DOCK11: variants seen among roughly 807,000 people sequenced by gnomAD.
DOCK11 encodes the protein dedicator of cytokinesis protein 11.
Under a neutral mutation model 169.1 loss-of-function variants are expected in DOCK11, and 70 were observed. That is an observed-to-expected ratio of 0.41 (90% CI 0.34 to 0.51). The LOEUF (loss-of-function observed/expected upper bound fraction) is 0.51, where lower values mean the gene tolerates loss of function less well. DOCK11 is among the 20% of genes least tolerant of loss of function. The pLI is 0.10. For synonymous variants in DOCK11, 529 were observed against 541.3 expected (o/e 0.98, Z 0.32); for missense variants, 1,166 against 1,538.8 (o/e 0.76, Z 4.05).
At chrX:118,546,495 A>C (rs963623989) in intron 6 of DOCK11, among the ~76,000 whole-genome samples, 2 of 111,851 alleles carry the variant, frequency 1.8e-5, no homozygotes, top group Non-Finnish European at 3.8e-5. Context: ...CATATTAGTC[A>C]CTGTGGGGAA....
chrX:118,498,955 CAGAG>C (rs937894855), intron 1 of DOCK11, among the ~76,000 whole-genome samples: 3 of 111,169 alleles, frequency 2.7e-5, no homozygotes, highest in Non-Finnish European at 5.7e-5. Context: ...ATAAAGCAGA[CAGAG>C]AGACTGTTCC....
chrX:118,607,364 C>T (rs1445044773), intron 24 of DOCK11, among the ~76,000 whole-genome samples: 2 of 105,574 alleles, frequency 1.9e-5, no homozygotes, highest in African/African-American at 6.9e-5. Context: ...ATCCACCTGC[C>T]TTGGCCACCC....
chrX:118,657,088 A>C (rs747213042), intron 44 of DOCK11, among the ~76,000 whole-genome samples: 2 of 111,960 alleles, frequency 1.8e-5, no homozygotes, highest in African/African-American at 6.5e-5. Flanking sequence ...GCTAAGCAAA[A>C]ATCAAGAATT....
chrX:118,532,263 G>A (rs2011610501), intron 1 of DOCK11, among the ~76,000 whole-genome samples: 1 of 111,796 alleles, frequency 8.9e-6, no homozygotes, highest in Admixed American at 9.5e-5. Flanking sequence ...AGGAAAGTGA[G>A]ACATGGGTTT....
At chrX:118,671,632 A>C (rs772038325) in intron 46 of DOCK11, among the ~76,000 whole-genome samples, 2 of 112,252 alleles carry the variant, frequency 1.8e-5, no homozygotes, top group Non-Finnish European at 3.8e-5. Context: ...ATTAAGGGTA[A>C]AAGATCCAAA....
chrX:118,617,349 G>A (rs1309008720), intron 30 of DOCK11, among the ~76,000 whole-genome samples: 2 of 109,601 alleles, frequency 1.8e-5, no homozygotes, highest in Non-Finnish European at 3.8e-5. Context: ...AAAATTAGCC[G>A]GGCATGGTGG....
chrX:118,679,918 A>ATTTTTTTT (rs55756738), intron 48 of DOCK11, among the ~76,000 whole-genome samples: 5 of 55,430 alleles, frequency 9.0e-5, no homozygotes, highest in African/African-American at 4.3e-4. Context: ...GATTACAGTA[A>ATTTTTTTT]TTTTTTTTTT....
chrX:118,596,985 A>C (rs188828546), intron 20 of DOCK11, among the ~76,000 whole-genome samples: 2 of 112,084 alleles, frequency 1.8e-5, no homozygotes, highest in African/African-American at 6.5e-5. Context: ...TGTGATTGTT[A>C]TCTGAAATAG....
chrX:118,629,707 G>T (rs1286750961), intron 34 of DOCK11, among the ~76,000 whole-genome samples: 1 of 110,238 alleles, frequency 9.1e-6, no homozygotes, highest in Non-Finnish European at 1.9e-5. Context: ...GGAGTGCAGT[G>T]ACACGATCAG....
intron 14 of DOCK11, among the ~76,000 whole-genome samples, chrX:118,584,474 A>G (rs1417084536): frequency 8.9e-6 from 1 of 112,345 alleles, no homozygotes; most frequent in Non-Finnish European, 1.9e-5. Context: ...TATAGCAAAT[A>G]AATTGGCTGT....
intron 23 of DOCK11, among the ~76,000 whole-genome samples, chrX:118,599,778 G>A (rs2147441883): frequency 8.9e-6 from 1 of 112,414 alleles, no homozygotes; most frequent in African/African-American, 3.2e-5. Flanking sequence ...GCCTGACAGT[G>A]GCTCTCTTCT....
chrX:118,663,514 T>C (rs2016267885), intron 45 of DOCK11, among the ~76,000 whole-genome samples: 1 of 109,216 alleles, frequency 9.2e-6, no homozygotes, highest in Non-Finnish European at 1.9e-5. Flanking sequence ...GACTAAGAGG[T>C]AGGAAAGTGT....
chrX:118,633,297 G>A (rs1336136206), intron 35 of DOCK11: 1 of 112,086 alleles, frequency 8.9e-6, no homozygotes, highest in Non-Finnish European at 1.9e-5. Context: ...TCCTTTGCAA[G>A]AGGGCTATAT....
intron 1 of DOCK11, among the ~76,000 whole-genome samples, chrX:118,516,004 A>ACTATATATTTATATATATAT: frequency 2.2e-5 from 1 of 44,944 alleles, no homozygotes; most frequent in African/African-American, 1.2e-4. Context: ...GATTTGGGCA[A>ACTATATATTTATATATATAT]ATATATATAT....
intron 20 of DOCK11, among the ~76,000 whole-genome samples, chrX:118,596,720 G>T (rs184794991): frequency 9.5e-4 from 106 of 111,667 alleles, no homozygotes; most frequent in African/African-American, 3.3e-3. Flanking sequence ...AAGCCAAAAG[G>T]CTCTTTTGGG....
intron 40 of DOCK11, among the ~76,000 whole-genome samples, chrX:118,647,769 A>T (rs867334836): frequency 8.6e-5 from 3 of 34,911 alleles, no homozygotes; most frequent in East Asian, 7.8e-4. Flanking sequence ...AATATATTAT[A>T]ATATATAATA....
intron 14 of DOCK11, 54 bp downstream of exon 14, chrX:118,580,233 G>C: frequency 9.6e-7 from 1 of 1,039,478 alleles, no homozygotes; most frequent in Non-Finnish European, 1.3e-6. Context: ...GTGAAGTTAA[G>C]GGCTGTTATA....
chrX:118,563,606 G>A lies in DOCK11; in HGVS notation c.693+2089G>A, dbSNP rs183215184. Among the ~76,000 whole-genome samples, 360 of 109,241 alleles carry A rather than the reference G, an allele frequency of 3.3e-3. 1 individual carries two copies. Among genetic ancestry groups the A allele is most frequent in the African/African-American group, 0.011 (333 of 30,245 alleles). The allele number at this position is 109,241 out of a possible 115,157, so 94.9% of individuals were successfully genotyped here. ...TATATATTCATATATATAAAGAAGA[G>A]CTTTCTTACTGGAAGAACGAGGCAC... On this transcript the variant is annotated intron_variant, in intron 7 of 52. Transcript: ENST00000276202.
intron 20 of DOCK11, among the ~76,000 whole-genome samples, chrX:118,594,383 A>G (rs1044442719): frequency 1.7e-4 from 19 of 112,254 alleles, no homozygotes; most frequent in African/African-American, 5.8e-4. Context: ...AAATGCTCCA[A>G]AATTGGAAAC....
Sources: gnomAD v4.1 joint callset for allele counts (sites outside exome capture counted in the v4.1 genomes callset) on GRCh38, gnomAD v4.1.1 for gene constraint, MANE v1.5 for transcripts, NCBI Gene and HGNC (gene_info 2026-07-23, HGNC 2026-07-21) for gene names.